Variants in ARHGEF6 observed in about 807,000 individuals in gnomAD.
ARHGEF6 encodes the protein Rac/Cdc42 guanine nucleotide exchange factor 6, also known as rho guanine nucleotide exchange factor 6.
A neutral mutation model predicts 70.3 loss-of-function variants in ARHGEF6; 9 were observed. The ratio of observed to expected loss-of-function variants is 0.13; its 90% CI spans 0.08 to 0.22. ARHGEF6 has a LOEUF of 0.22. Ranked by LOEUF, ARHGEF6 falls within the 10% of genes least tolerant of loss-of-function variation. The pLI is 1.00. For synonymous variants in ARHGEF6, 201 were observed against 207.8 expected, an observed-to-expected ratio of 0.97 and a Z score of 0.28; for missense variants, 470 against 563.0, an observed-to-expected ratio of 0.83 and a Z score of 1.67.
chrX:136,758,012 C>T (rs1255013007), intron 2 of ARHGEF6, among the ~76,000 whole-genome samples: 1 of 94,430 alleles, frequency 1.1e-5, no homozygotes, highest in African/African-American at 4.1e-5. Flanking sequence ...TATTTTCCAT[C>T]ACCTGCTAAA....
intron 2 of ARHGEF6, among the ~76,000 whole-genome samples, chrX:136,778,583 G>A (rs2077424129): frequency 9.2e-6 from 1 of 109,176 alleles, no homozygotes; most frequent in African/African-American, 3.4e-5. Context: ...ACCACCTCTT[G>A]GGTTCAAGCG....
intron 9 of ARHGEF6, among the ~76,000 whole-genome samples, chrX:136,697,575 G>A (rs2076525968): frequency 8.9e-6 from 1 of 112,333 alleles, no homozygotes. Flanking sequence ...AGAGATCAGG[G>A]AGTGAGACAG....
chrX:136,758,348 G>A (rs1236050522), intron 2 of ARHGEF6, among the ~76,000 whole-genome samples: 2 of 109,736 alleles, frequency 1.8e-5, no homozygotes, highest in Non-Finnish European at 3.8e-5. Context: ...CACTGCGCCC[G>A]GCCAAAAATA....
At chrX:136,722,783 T>C (rs1047707223) in intron 6 of ARHGEF6, among the ~76,000 whole-genome samples, 1 of 112,353 alleles carries the variant, frequency 8.9e-6, no homozygotes, top group Non-Finnish European at 1.9e-5. Flanking sequence ...AGAATTACCA[T>C]GTGACCCAGC....
At chrX:136,750,006 A>G (rs1215953713) in intron 2 of ARHGEF6, among the ~76,000 whole-genome samples, 2 of 112,006 alleles carry the variant, frequency 1.8e-5, no homozygotes, top group Non-Finnish European at 3.8e-5. Context: ...TATTATCTGG[A>G]GGGATCACAA....
chrX:136,681,030 C>T (rs976977611), intron 14 of ARHGEF6, among the ~76,000 whole-genome samples, 154 bp from the exon 15 acceptor site: 3 of 112,554 alleles, frequency 2.7e-5, no homozygotes, highest in Admixed American at 9.4e-5. Context: ...ATTTCTATAT[C>T]AGAAACAGAT....
intron 10 of ARHGEF6, 37 bp downstream of exon 10, chrX:136,690,573 T>G: frequency 1.7e-6 from 2 of 1,209,716 alleles, no homozygotes; most frequent in Non-Finnish European, 2.2e-6. Context: ...AGGACCATAC[T>G]TGGCACACGA....
chrX:136,686,598 A>G (rs752049627), intron 11 of ARHGEF6, among the ~76,000 whole-genome samples: 23 of 71,636 alleles, frequency 3.2e-4, no homozygotes, highest in African/African-American at 7.9e-4. Context: ...GTGTGTGTAT[A>G]TATATATATA....
intron 11 of ARHGEF6, among the ~76,000 whole-genome samples, chrX:136,686,711 T>TATATATATACACATATATATATAC (rs1569394207): frequency 3.1e-4 from 3 of 9,564 alleles, no homozygotes; most frequent in Non-Finnish European, 6.9e-4. Context: ...TATATATACA[T>TATATATATACACATATATATATAC]ATATATATAT....
intron 6 of ARHGEF6, among the ~76,000 whole-genome samples, chrX:136,715,508 T>C: frequency 9.0e-6 from 1 of 111,137 alleles, no homozygotes; most frequent in South Asian, 3.8e-4. Flanking sequence ...CTCTTAAATC[T>C]GTCAGAAAAG....
intron 7 of ARHGEF6, among the ~76,000 whole-genome samples, chrX:136,712,837 C>A (rs1212887197): frequency 8.9e-6 from 1 of 111,989 alleles, no homozygotes; most frequent in African/African-American, 3.2e-5. Context: ...ATAGCTCTTA[C>A]AAGCATTCAC....
At chrX:136,738,717 CT>C (rs2077012946) in intron 5 of ARHGEF6, among the ~76,000 whole-genome samples, 1 of 112,791 alleles carries the variant, frequency 8.9e-6, no homozygotes, top group South Asian at 3.6e-4. Flanking sequence ...AGAGATCAAC[CT>C]TTGTGGGCTG....
intron 5 of ARHGEF6, among the ~76,000 whole-genome samples, chrX:136,736,792 T>C (rs903933582): frequency 1.5e-4 from 17 of 111,499 alleles, no homozygotes; most frequent in Non-Finnish European, 2.6e-4. Flanking sequence ...TATCTCTAGA[T>C]GAGAGCTACA....
rs1339750537 is a variant in ARHGEF6, at chrX:136,681,967, C to T, written c.1481G>A (p.Gly494Glu). 3 of 1,193,434 alleles carry T rather than the reference C, an allele frequency of 2.5e-6. No homozygotes were observed. The highest frequency in any genetic ancestry group is 3.5e-5 in the South Asian group (2 of 56,571). ...CACCGTTCCTGCTATTGGTATTTTT[C>T]CCTATTAGAAAAAGAACATTCTCAT... ...SPRMSGFIYQ[G>E]KIPIAGTVVT... Residue 494 changes from glycine to glutamate, a missense_variant and splice_region_variant, in exon 14 of 22, where the codon GGA becomes GAA. This residue lies in a region of ARHGEF6 where 379 missense variants were observed against 449.3 expected (regional missense o/e 0.84). Transcript: ENST00000250617.
At chrX:136,693,352 T>C (rs2076477306) in intron 9 of ARHGEF6, among the ~76,000 whole-genome samples, 1 of 112,455 alleles carries the variant, frequency 8.9e-6, no homozygotes, top group African/African-American at 3.2e-5. Flanking sequence ...AACAAAATTG[T>C]CCTAAAATGC....
chrX:136,683,381 G>A (rs2076353136), intron 12 of ARHGEF6, among the ~76,000 whole-genome samples: 1 of 110,287 alleles, frequency 9.1e-6, no homozygotes, highest in South Asian at 3.8e-4. Flanking sequence ...TTCTTGAGAC[G>A]GAGTTTCGCT....
intron 2 of ARHGEF6, among the ~76,000 whole-genome samples, chrX:136,757,601 AT>A (rs1418421525): frequency 4.5e-5 from 5 of 110,676 alleles, no homozygotes; most frequent in African/African-American, 1.6e-4. Flanking sequence ...TCAGGGCCCA[AT>A]CCAAATCACT....
chrX:136,729,012 CTCTCTCTCTCTCTCT>C (rs2076901252), intron 6 of ARHGEF6, among the ~76,000 whole-genome samples: 1 of 71,804 alleles, frequency 1.4e-5, no homozygotes, highest in Non-Finnish European at 2.6e-5. Flanking sequence ...CTCTCTCTCT[CTCTCTCTCTCTCTCT>C]CTCTCTCTCT....
At chrX:136,746,520 C>T (rs1253906933) in intron 3 of ARHGEF6, among the ~76,000 whole-genome samples, 1 of 111,775 alleles carries the variant, frequency 8.9e-6, no homozygotes, top group African/African-American at 3.3e-5. Context: ...TGCTCTTGTC[C>T]TCTAATTGTT....
Sources: allele counts gnomAD v4.1 joint callset (sites outside exome capture counted in the v4.1 genomes callset), GRCh38; gene constraint gnomAD v4.1.1; regional missense constraint gnomAD v4.1.1; transcripts MANE v1.5; gene names NCBI Gene and HGNC (gene_info 2026-07-23, HGNC 2026-07-21).